The following NCOA5 variants were observed in gnomAD, a reference collection of about 807,000 sequenced individuals.
The protein encoded by NCOA5 is NCoA-5.
A neutral mutation model predicts 59.0 loss-of-function variants in NCOA5; 12 were observed. That is an observed-to-expected ratio of 0.20 (90% CI 0.13 to 0.33). The LOEUF is 0.33. Among genes scored for constraint, NCOA5 ranks in the 10% least tolerant of loss-of-function variants. The pLI, the probability that NCOA5 is intolerant of heterozygous loss-of-function variation, is 1.00. For synonymous variants in NCOA5, 270 were observed against 275.5 expected, an observed-to-expected ratio of 0.98 and a Z score of 0.20; for missense variants, 655 against 766.6, an observed-to-expected ratio of 0.85 and a Z score of 1.72.
intron 2 of NCOA5, among the ~76,000 whole-genome samples, chr20:46,077,472 C>T (rs1360226849): frequency 1.3e-5 from 2 of 152,062 alleles, no homozygotes; most frequent in Non-Finnish European, 2.9e-5. Context: ...ATATAAAATA[C>T]CCTTCTCAAT....
chr20:46,063,718 A>G (rs370080568), intron 6 of NCOA5, 38 bp from the exon 7 acceptor site: 52 of 1,588,078 alleles, frequency 3.3e-5, no homozygotes, highest in Non-Finnish European at 4.4e-5. Flanking sequence ...TTCTTCCATG[A>G]CATATTTAAG....
In NCOA5 at chr20:46,062,678, C is replaced by T. The variant is rs746853219; in HGVS notation, c.1362G>A (p.Ser454=). Residue 454 remains serine, a synonymous_variant, in exon 8 of 8, where the codon TCG becomes TCA. Coordinates refer to ENST00000290231, the MANE Select transcript of NCOA5 (RefSeq NM_020967.3). ...GGTTTGGGGTGTTTCCGGCAGCAAC[C>T]GAGGGGGATGCAGAGCTGCTATTGG... ...VTANSSSASP[S]VAAGNTPNQN... is the part of the protein sequence containing the mutation. 8.1e-6 allele frequency: 13 copies of T among 1,613,928 alleles called. No individual in the cohort carries two copies. The highest frequency in any genetic ancestry group is 5.3e-5 in the African/African-American group (4 of 74,860).
chr20:46,079,280 G>C, intron 2 of NCOA5, 107 bp downstream of exon 2: 1 of 1,030,978 alleles, frequency 9.7e-7, no homozygotes, highest in East Asian at 2.4e-5. Flanking sequence ...GTTTGCTTGA[G>C]CGTTTCACTT....
intron 1 of NCOA5, among the ~76,000 whole-genome samples, chr20:46,086,191 C>T (rs1264818185): frequency 6.6e-6 from 1 of 152,174 alleles, no homozygotes; most frequent in South Asian, 2.1e-4. Context: ...AGATACTTTA[C>T]AGAGCTAAAG....
At chr20:46,064,843 G>A (rs1169269329) in intron 6 of NCOA5, among the ~76,000 whole-genome samples, 186 bp downstream of exon 6, 1 of 152,176 alleles carries the variant, frequency 6.6e-6, no homozygotes, top group Non-Finnish European at 1.5e-5. Context: ...GTGTAACAGA[G>A]ATCCACTAAG....
chr20:46,076,960 G>A (rs1342113559), intron 2 of NCOA5, among the ~76,000 whole-genome samples: 1 of 152,222 alleles, frequency 6.6e-6, no homozygotes, highest in South Asian at 2.1e-4. Flanking sequence ...CTGTTGCCCA[G>A]GCTGAAGTGC....
At chr20:46,063,246 C>T (rs1385870854) in intron 7 of NCOA5, 114 bp downstream of exon 7, 1 of 1,059,130 alleles carries the variant, frequency 9.4e-7, no homozygotes, top group Non-Finnish European at 1.3e-6. Flanking sequence ...AAGGGATGGA[C>T]TTAGTTCCCT....
Position 46,062,113 on chromosome 20 carries a change from CA to C in NCOA5, c.*186del, listed in dbSNP as rs2084772102. On this transcript the variant is annotated 3_prime_UTR_variant, in exon 8 of 8. Coordinates refer to ENST00000290231, the MANE Select transcript of NCOA5 (RefSeq NM_020967.3). Reference sequence around the variant, plus strand: ...ACAAAAAAAGATACAGCCCCAAATGCAGTATAAACTTTGTAAGGAATAAGCA... The same window carrying C: ...ACAAAAAAAGATACAGCCCCAAATGCGTATAAACTTTGTAAGGAATAAGCA... The C allele has an allele frequency of 5.5e-5, 29 of 522,990 alleles. No individual in the cohort carries two copies. In the South Asian group the frequency reaches 1.0e-3, roughly 19 times the overall value. The allele number at this position is 522,990 out of a possible 1,614,324, so 32.4% of individuals were successfully genotyped here.
In NCOA5 at chr20:46,062,867, G is replaced by T; in HGVS notation, c.1173C>A (p.Leu391=). The change falls in exon 8 of 8, where the codon CTC becomes CTA. Residue 391 remains leucine (L), a synonymous_variant. Transcript: ENST00000290231. The part of the protein sequence containing the change: ...SLPGPISRQP[L]GATSGASLKT... ...TCAGCGAGGCACCCGAGGTCGCCCC[G>T]AGTGGTTGGCGGGAAATCGGGCCTG... The T allele has an allele frequency of 2.0e-6, 3 of 1,518,652 alleles. No individual in the cohort carries two copies. The highest frequency in any genetic ancestry group is 2.6e-6 in the Non-Finnish European group (3 of 1,134,670). The allele number at this position is 1,518,652 out of a possible 1,614,324, so 94.1% of individuals were successfully genotyped here.
intron 1 of NCOA5, among the ~76,000 whole-genome samples, chr20:46,082,962 T>C (rs555020499): frequency 2.4e-4 from 37 of 152,304 alleles, no homozygotes; most frequent in African/African-American, 8.7e-4. Flanking sequence ...ATGCTATAAA[T>C]AAAAATGCAT....
chr20:46,071,141 TAAA>T (rs1157485401), intron 2 of NCOA5, among the ~76,000 whole-genome samples: 2 of 137,930 alleles, frequency 1.5e-5, no homozygotes, highest in African/African-American at 2.7e-5. Flanking sequence ...CAAGATGGTT[TAAA>T]AAAAAAAAAA....
At chr20:46,069,118 T>G (rs1316973670) in intron 3 of NCOA5, among the ~76,000 whole-genome samples, 1 of 152,050 alleles carries the variant, frequency 6.6e-6, no homozygotes, top group Non-Finnish European at 1.5e-5. Context: ...GGCCTAACAA[T>G]TTTTAAGTAT....
intron 5 of NCOA5, among the ~76,000 whole-genome samples, chr20:46,065,703 C>T (rs768714052): frequency 1.3e-5 from 2 of 152,128 alleles, no homozygotes; most frequent in Admixed American, 1.3e-4. Context: ...TAACATGGCT[C>T]AGTTCATACG....
In NCOA5 at chr20:46,087,186, CAG is replaced by C. The variant is rs1168831908; in HGVS notation, c.-30+2629_-30+2630del. On this transcript the variant is annotated intron_variant, in intron 1 of 7. Coordinates refer to ENST00000290231, the MANE Select transcript of NCOA5 (RefSeq NM_020967.3). ...ATTATCATTACTACACTAAGAGTAACAGTGACTTCAGGAATAGACGTTTCATT... is the reference window on the plus strand; with the variant it reads ...ATTATCATTACTACACTAAGAGTAACTGACTTCAGGAATAGACGTTTCATT... Among the ~76,000 whole-genome samples, 3 of 152,160 alleles carry C rather than the reference CAG, an allele frequency of 2.0e-5. No individual in the cohort carries two copies. The South Asian group carries it at 6.2e-4, about 32-fold the overall frequency.
At chr20:46,085,014 A>G (rs2085031699) in intron 1 of NCOA5, among the ~76,000 whole-genome samples, 1 of 152,174 alleles carries the variant, frequency 6.6e-6, no homozygotes. Context: ...TGACACAGCT[A>G]AAGTCCTTGC....
At chr20:46,089,296 C>T (rs913561093) in intron 1 of NCOA5, among the ~76,000 whole-genome samples, 1 of 152,312 alleles carries the variant, frequency 6.6e-6, no homozygotes, top group Admixed American at 6.5e-5. Context: ...GGAGACACCC[C>T]GAGAATGCGG....
Position 46,062,878 on chromosome 20 carries a change from G to C in NCOA5, c.1162C>G (p.Arg388Gly). ...CCCGAGGTCGCCCCGAGTGGTTGGC[G>C]GGAAATCGGGCCTGGAAGACAGAAG... is the stretch of plus-strand genomic sequence containing the variant. ...STDSLPGPIS[R>G]QPLGATSGAS... The change falls in exon 8 of 8, where the codon CGC (arginine) becomes GGC (glycine). Residue 388 changes from arginine to glycine, a missense_variant. This residue lies in a region of NCOA5 where 325 missense variants were observed against 353.2 expected (regional missense o/e 0.92). Transcript: ENST00000290231. 6.6e-7 allele frequency: 1 copy of C among 1,515,662 alleles called. No homozygotes were observed. Among genetic ancestry groups the C allele is most frequent in the Non-Finnish European group, 8.8e-7 (1 of 1,133,452 alleles). The allele number at this position is 1,515,662 out of a possible 1,614,324, so 93.9% of individuals were successfully genotyped here.
chr20:46,083,780 A>C (rs1208096892), intron 1 of NCOA5, among the ~76,000 whole-genome samples: 1 of 152,244 alleles, frequency 6.6e-6, no homozygotes, highest in Non-Finnish European at 1.5e-5. Flanking sequence ...TCACACATTA[A>C]ATCCCCCAAA....
chr20:46,081,132 T>C (rs569772444), intron 1 of NCOA5, among the ~76,000 whole-genome samples: 55 of 152,262 alleles, frequency 3.6e-4, no homozygotes, highest in Non-Finnish European at 6.5e-4. Flanking sequence ...TGGAATACAC[T>C]GGGTGTGTAT....
Sources: gnomAD v4.1 joint callset for allele counts (sites outside exome capture counted in the v4.1 genomes callset) on GRCh38, gnomAD v4.1.1 for gene constraint, gnomAD v4.1.1 regional missense constraint, MANE v1.5 for transcripts, NCBI Gene and HGNC (gene_info 2026-07-23, HGNC 2026-07-21) for gene names.